The following SEMA6A variants were observed in gnomAD, a reference collection of about 807,000 sequenced individuals.
The protein encoded by SEMA6A is semaphorin-6A.
In SEMA6A, 25 loss-of-function variants were observed where a neutral mutation model predicts 96.8. That is an observed-to-expected ratio of 0.26 (90% confidence interval 0.19 to 0.36). SEMA6A has a LOEUF of 0.36. SEMA6A is among the 10% of genes least tolerant of loss of function. The pLI is 1.00. For missense variants in SEMA6A, 1,363 were observed against 1,323.1 expected (o/e 1.03, Z -0.47); for synonymous variants, 612 against 518.0 (o/e 1.18, Z -2.46).
rs367879954 is a variant in SEMA6A, at chr5:116,478,151, G to A, written c.1431C>T (p.Cys477=). 1.4e-5 allele frequency: 22 copies of A among 1,613,682 alleles called. No individual in the cohort carries two copies. The highest frequency in any genetic ancestry group is 1.7e-5 in the Non-Finnish European group (20 of 1,179,810). ...EEMSVYNSEK[C]SYDGVEDKRI... The stretch of plus-strand genomic sequence containing the variant: ...TTTTGTCTTCGACTCCATCATAGCT[G>A]CATCTAATTTCATCAGGCAAGATAA... Residue 477 remains cysteine, a synonymous_variant, in exon 14 of 19, where the codon TGC becomes TGT. Transcript: ENST00000343348.
chr5:116,472,009 C>A (rs1034586920), intron 17 of SEMA6A, among the ~76,000 whole-genome samples: 1 of 152,054 alleles, frequency 6.6e-6, no homozygotes, highest in Admixed American at 6.6e-5. Context: ...ATATCTTAAA[C>A]ACACAAACTA....
intron 1 of SEMA6A, among the ~76,000 whole-genome samples, chr5:116,537,172 G>C (rs1342927148): frequency 6.6e-6 from 1 of 152,138 alleles, no homozygotes; most frequent in Non-Finnish European, 1.5e-5. Flanking sequence ...CACCAACAGG[G>C]AAACTGCAGC....
intron 6 of SEMA6A, among the ~76,000 whole-genome samples, chr5:116,495,134 C>T (rs770256689): frequency 4.7e-4 from 72 of 152,100 alleles, no homozygotes; most frequent in Non-Finnish European, 6.3e-4. Context: ...ACATGGTGTA[C>T]GTGGTAAGTA....
intron 5 of SEMA6A, chr5:116,495,808 C>T (rs1017313059): frequency 5.3e-6 from 2 of 377,388 alleles, no homozygotes; most frequent in Admixed American, 8.6e-5. Flanking sequence ...ATTTTAATGC[C>T]AGATGCTCCA....
intron 6 of SEMA6A, among the ~76,000 whole-genome samples, chr5:116,494,966 G>T (rs905527680): frequency 6.6e-6 from 1 of 152,176 alleles, no homozygotes; most frequent in African/African-American, 2.4e-5. Flanking sequence ...AGTGCTCAAT[G>T]GAATTAAATT....
intron 1 of SEMA6A, among the ~76,000 whole-genome samples, chr5:116,541,874 T>G (rs2112864595): frequency 6.6e-6 from 1 of 152,184 alleles, no homozygotes; most frequent in African/African-American, 2.4e-5. Context: ...TAGCGTGAAC[T>G]CGGTAACATT....
intron 15 of SEMA6A, 38 bp from the exon 16 acceptor site, chr5:116,475,641 T>A: frequency 6.9e-7 from 1 of 1,450,720 alleles, no homozygotes; most frequent in Non-Finnish European, 9.5e-7. Context: ...CAGAAATGAA[T>A]ACAATAACGT....
intron 1 of SEMA6A, among the ~76,000 whole-genome samples, chr5:116,572,808 G>A (rs1183767197): frequency 6.6e-6 from 1 of 152,196 alleles, no homozygotes; most frequent in Non-Finnish European, 1.5e-5. Flanking sequence ...CTCCAGGTCC[G>A]GCTTCCCTCA....
chr5:116,503,336 T>C (rs917132107), intron 2 of SEMA6A, among the ~76,000 whole-genome samples: 9 of 152,184 alleles, frequency 5.9e-5, no homozygotes, highest in Non-Finnish European at 1.3e-4. Context: ...AGCCTTACTA[T>C]ATTTTATTTA....
rs368898576 is a variant in SEMA6A at position 116,491,733 on chromosome 5, C to T, written c.535+7G>A. ...CAAGTGCAACGAGGAGAAATCAGGT[C>T]GCTTACCTGCAAACAGTGCAACGTT... On this transcript the variant is annotated splice_region_variant and intron_variant, in intron 7 of 18. Coordinates refer to ENST00000343348, the MANE Select transcript of SEMA6A (RefSeq NM_020796.5). 2.2e-5 allele frequency: 36 copies of T among 1,611,268 alleles called. No individual in the cohort carries two copies. The highest frequency in any genetic ancestry group is 8.3e-5 in the Admixed American group (5 of 59,948).
chr5:116,488,346 G>T, intron 8 of SEMA6A, 150 bp from the exon 9 acceptor site: 3 of 571,368 alleles, frequency 5.3e-6, no homozygotes, highest in Non-Finnish European at 9.3e-6. Context: ...CTTCACACAT[G>T]CAAGTGCTGG....
intron 1 of SEMA6A, among the ~76,000 whole-genome samples, chr5:116,514,419 T>C (rs1438372499): frequency 6.6e-6 from 1 of 152,250 alleles, no homozygotes; most frequent in Non-Finnish European, 1.5e-5. Context: ...ATGTATGTCT[T>C]CTTTGAGAAG....
At chr5:116,527,263 G>A (rs1331869519) in intron 1 of SEMA6A, among the ~76,000 whole-genome samples, 1 of 151,796 alleles carries the variant, frequency 6.6e-6, no homozygotes, top group Non-Finnish European at 1.5e-5. Flanking sequence ...TAAAAAAAAA[G>A]AAGCAATTGA....
chr5:116,501,705 T>C (rs950668927), intron 3 of SEMA6A, among the ~76,000 whole-genome samples: 12 of 152,246 alleles, frequency 7.9e-5, no homozygotes, highest in Admixed American at 7.8e-4. Context: ...CTGACCAACA[T>C]AGTGAAACCC....
At chr5:116,513,005 A>C (rs1246101024) in intron 1 of SEMA6A, among the ~76,000 whole-genome samples, 1 of 152,022 alleles carries the variant, frequency 6.6e-6, no homozygotes, top group Non-Finnish European at 1.5e-5. Context: ...TTTTATTTTT[A>C]CTTTTTGTGG....
chr5:116,503,480 G>T (rs1365929000), intron 2 of SEMA6A, among the ~76,000 whole-genome samples: 1 of 151,194 alleles, frequency 6.6e-6, no homozygotes, highest in African/African-American at 2.4e-5. Context: ...ATCACTGAAG[G>T]GTGGCTTACA....
chr5:116,448,171 A>T (rs1258080522), intron 18 of SEMA6A, among the ~76,000 whole-genome samples: 1 of 6,494 alleles, frequency 1.5e-4, no homozygotes, highest in African/African-American at 4.1e-4. Context: ...CGTCTCTACT[A>T]AAAAAAAAAA....
intron 1 of SEMA6A, among the ~76,000 whole-genome samples, chr5:116,523,105 C>T (rs530176684): frequency 6.6e-6 from 1 of 152,258 alleles, no homozygotes; most frequent in African/African-American, 2.4e-5. Context: ...CTGCACATGA[C>T]CACCTCCTCT....
intron 17 of SEMA6A, 175 bp from the exon 18 acceptor site, chr5:116,467,922 G>C (rs1488564409): frequency 1.6e-6 from 1 of 620,854 alleles, no homozygotes; most frequent in Non-Finnish European, 2.8e-6. Flanking sequence ...GGTGTGGGGT[G>C]TGTTCAGCAG....
Sources: allele counts gnomAD v4.1 joint callset (sites outside exome capture counted in the v4.1 genomes callset), GRCh38; gene constraint gnomAD v4.1.1; transcripts MANE v1.5; gene names NCBI Gene and HGNC (gene_info 2026-07-23, HGNC 2026-07-21).